The following TAFA5 variants were observed in gnomAD, a reference collection of about 807,000 sequenced individuals.
TAFA5 encodes TAFA chemokine like family member 5.
A neutral mutation model predicts 15.3 loss-of-function variants in TAFA5; 6 were observed. The ratio of observed to expected loss-of-function variants is 0.39; its 90% CI spans 0.21 to 0.77. The LOEUF is 0.77. Among genes scored for constraint, TAFA5 ranks in the 30% least tolerant of loss-of-function variants. The probability of loss-of-function intolerance (pLI) is 0.41; values close to 1 mark genes in which losing one functional copy is unlikely to be tolerated. For synonymous variants in TAFA5, 103 were observed against 80.7 expected, an observed-to-expected ratio of 1.28 and a Z score of -1.48; for missense variants, 161 against 193.1, an observed-to-expected ratio of 0.83 and a Z score of 0.98.
intron 1 of TAFA5, among the ~76,000 whole-genome samples, chr22:48,642,316 C>T (rs1926711766): frequency 1.3e-5 from 2 of 152,282 alleles, no homozygotes; most frequent in South Asian, 2.1e-4. Context: ...AGGGGCGGCC[C>T]AGGGGTCCGG....
At chr22:48,541,753 G>A (rs1488810217) in intron 1 of TAFA5, among the ~76,000 whole-genome samples, 1 of 152,198 alleles carries the variant, frequency 6.6e-6, no homozygotes, top group African/African-American at 2.4e-5. Flanking sequence ...GGACTGCTGG[G>A]AGGCCTTGAC....
At chr22:48,616,176 T>C (rs1032187741) in intron 1 of TAFA5, among the ~76,000 whole-genome samples, 2 of 151,964 alleles carry the variant, frequency 1.3e-5, no homozygotes, top group African/African-American at 2.4e-5. Flanking sequence ...GGGTGGGCTC[T>C]CAGCAGGGAG....
intron 2 of TAFA5, among the ~76,000 whole-genome samples, chr22:48,672,954 G>A (rs912430255): frequency 2.6e-5 from 4 of 152,150 alleles, no homozygotes; most frequent in Admixed American, 6.5e-5. Flanking sequence ...CAGAGCCCTG[G>A]ATGCCGAGTC....
intron 1 of TAFA5, among the ~76,000 whole-genome samples, chr22:48,528,515 C>T (rs1921857945): frequency 1.3e-5 from 2 of 152,164 alleles, no homozygotes; most frequent in African/African-American, 4.8e-5. Context: ...GGCCCAGCTC[C>T]CATCAAGGGT....
At chr22:48,712,697 G>T (rs914673175) in intron 3 of TAFA5, among the ~76,000 whole-genome samples, 1 of 152,180 alleles carries the variant, frequency 6.6e-6, no homozygotes, top group African/African-American at 2.4e-5. Flanking sequence ...CCCTGGGTGG[G>T]TGTTTCAGGT....
Position 48,684,491 on chromosome 22 carries a change from G to A in TAFA5, c.263-23226G>A, listed in dbSNP as rs534721544. On this transcript the variant is annotated intron_variant, in intron 2 of 3. Transcript: ENST00000402357. ...GTCTAGAAGTACAGTGACCCTTCCC[G>A]TTCACGAGGCTGGACACCCAGGACT... Among the ~76,000 whole-genome samples the A allele has an allele frequency of 3.3e-4, 50 of 152,230 alleles. No individual in the cohort carries two copies. In the South Asian group the frequency reaches 4.8e-3, roughly 15 times the overall value.
At chr22:48,697,346 A>G (rs11204503) in intron 2 of TAFA5, among the ~76,000 whole-genome samples, 48,932 of 142,596 alleles carry the variant, frequency 0.34, 8,512 homozygotes, top group South Asian at 0.57. Context: ...AGTGGTGATG[A>G]TGATGATGAT....
intron 1 of TAFA5, among the ~76,000 whole-genome samples, chr22:48,603,168 AAAT>A (rs1925036619): frequency 6.6e-6 from 1 of 152,214 alleles, no homozygotes. Flanking sequence ...CGCCCCGGAA[AAAT>A]GGGTGCCCGT....
At chr22:48,554,066 G>A (rs1398140914) in intron 1 of TAFA5, among the ~76,000 whole-genome samples, 1 of 152,210 alleles carries the variant, frequency 6.6e-6, no homozygotes, top group Non-Finnish European at 1.5e-5. Flanking sequence ...CAGGTCCTCG[G>A]GCGGCCGCTC....
rs1373107166 is a variant in TAFA5, at chr22:48,743,578, T to A, written c.391-6261T>A. Among the ~76,000 whole-genome samples, 3 of 152,210 alleles carry A rather than the reference T, an allele frequency of 2.0e-5. No individual in the cohort carries two copies. The East Asian group carries it at 5.8e-4, about 29-fold the overall frequency. On this transcript the variant is annotated intron_variant, in intron 3 of 3. Transcript: ENST00000402357. ...GAGGACTAAGTCTAGTACAGCACAG[T>A]CTTCATTCCTGAGCTCATGGAGGAG...
intron 2 of TAFA5, among the ~76,000 whole-genome samples, chr22:48,699,717 TGCCTTGCAGCGTGAGTAA>T (rs1928844181): frequency 6.6e-6 from 1 of 152,228 alleles, no homozygotes; most frequent in South Asian, 2.1e-4. Context: ...AGACAAGCTT[TGCCTTGCAGCGTGAGTAA>T]GCGGAGCTTT....
At chr22:48,628,143 G>A (rs1926089456) in intron 1 of TAFA5, among the ~76,000 whole-genome samples, 1 of 152,252 alleles carries the variant, frequency 6.6e-6, no homozygotes, top group African/African-American at 2.4e-5. Flanking sequence ...TGGGGTTGAG[G>A]TGGACTTGGG....
intron 1 of TAFA5, among the ~76,000 whole-genome samples, chr22:48,527,961 T>G (rs1310375197): frequency 3.3e-5 from 5 of 152,230 alleles, no homozygotes; most frequent in African/African-American, 1.2e-4. Context: ...AGATGCACTT[T>G]TACTACTTGT....
chr22:48,512,879 T>C (rs567349352), intron 1 of TAFA5, among the ~76,000 whole-genome samples: 2 of 141,480 alleles, frequency 1.4e-5, no homozygotes, highest in South Asian at 4.5e-4. Flanking sequence ...GCCGAGATTG[T>C]GCCACTGCAG....
intron 2 of TAFA5, among the ~76,000 whole-genome samples, chr22:48,652,163 G>T (rs1300234984): frequency 6.6e-6 from 1 of 152,254 alleles, no homozygotes; most frequent in East Asian, 1.9e-4. Flanking sequence ...AAGGCATGTT[G>T]TGGCTGGGAC....
intron 1 of TAFA5, among the ~76,000 whole-genome samples, chr22:48,526,237 T>A (rs1472350520): frequency 6.6e-6 from 1 of 152,210 alleles, no homozygotes; most frequent in Non-Finnish European, 1.5e-5. Context: ...CTCCTCCGTC[T>A]GTGTGTGGTG....
chr22:48,721,766 C>G (rs182978162), intron 3 of TAFA5, among the ~76,000 whole-genome samples: 39 of 152,150 alleles, frequency 2.6e-4, no homozygotes, highest in African/African-American at 8.9e-4. Flanking sequence ...GTCAGGGGTT[C>G]GAAACCAGCC....
chr22:48,624,968 A>G lies in TAFA5; in HGVS notation c.113-21629A>G, dbSNP rs1249711993. On this transcript the variant is annotated intron_variant, in intron 1 of 3. Transcript: ENST00000402357. Reference sequence around the variant, plus strand: ...TACAAAAACAAACAAACAAAAAAACATCAGGGTGTGGTGGCGGGCACCTGT... The same window carrying G: ...TACAAAAACAAACAAACAAAAAAACGTCAGGGTGTGGTGGCGGGCACCTGT... Among the ~76,000 whole-genome samples, 11 of 152,144 alleles carry G rather than the reference A, an allele frequency of 7.2e-5. No homozygotes were observed. The East Asian group carries it at 2.1e-3, about 29-fold the overall frequency.
intron 2 of TAFA5, among the ~76,000 whole-genome samples, chr22:48,689,013 AG>A (rs1569080069): frequency 9.0e-5 from 10 of 111,506 alleles, no homozygotes; most frequent in South Asian, 5.4e-4. Context: ...AAAAAAAAAG[AG>A]AGAGAAAACC....
Sources: gnomAD v4.1 joint callset for allele counts (sites outside exome capture counted in the v4.1 genomes callset) on GRCh38, gnomAD v4.1.1 for gene constraint, MANE v1.5 for transcripts, NCBI Gene and HGNC (gene_info 2026-07-23, HGNC 2026-07-21) for gene names.